The following RASAL2 variants were observed in gnomAD, a reference collection of about 807,000 sequenced individuals.
The protein encoded by RASAL2 is RAS protein activator like 2, also known as ras GTPase-activating protein nGAP.
RASAL2 carries 58 observed loss-of-function variants against 128.9 expected under a neutral mutation model. That is an observed-to-expected ratio of 0.45 (90% CI 0.36 to 0.56). The LOEUF (loss-of-function observed/expected upper bound fraction) is 0.56. RASAL2 is among the 20% of genes least tolerant of loss of function. The pLI, the probability that RASAL2 is intolerant of heterozygous loss-of-function variation, is 0.00. For missense variants in RASAL2, 1,360 were observed against 1,601.6 expected (o/e 0.85, Z 2.57); for synonymous variants, 561 against 580.8 (o/e 0.97, Z 0.49).
At chr1:178,260,671 C>T (rs1665652763) in intron 1 of RASAL2, among the ~76,000 whole-genome samples, 1 of 151,804 alleles carries the variant, frequency 6.6e-6, no homozygotes, top group Non-Finnish European at 1.5e-5. Flanking sequence ...AAATAACTAA[C>T]TTCACTAAAA....
At chr1:178,469,944 AG>A (rs1437119058) in intron 17 of RASAL2, among the ~76,000 whole-genome samples, 1 of 152,248 alleles carries the variant, frequency 6.6e-6, no homozygotes, top group African/African-American at 2.4e-5. Flanking sequence ...CACCATGCAT[AG>A]CACAAATCCT....
At chr1:178,391,695 T>C (rs1403147994) in intron 4 of RASAL2, among the ~76,000 whole-genome samples, 1 of 152,204 alleles carries the variant, frequency 6.6e-6, no homozygotes, top group Non-Finnish European at 1.5e-5. Context: ...CTTTGAGATA[T>C]TTAACTTAGA....
intron 1 of RASAL2, among the ~76,000 whole-genome samples, chr1:178,239,457 C>T (rs967761417): frequency 2.0e-5 from 3 of 151,942 alleles, no homozygotes; most frequent in Non-Finnish European, 2.9e-5. Flanking sequence ...AGATGTTATA[C>T]AACTGGCAGA....
intron 9 of RASAL2, among the ~76,000 whole-genome samples, chr1:178,448,192 G>A (rs1272090274): frequency 6.6e-6 from 1 of 152,006 alleles, no homozygotes; most frequent in Non-Finnish European, 1.5e-5. Flanking sequence ...GAGAAAGAGA[G>A]AGCATCCAAA....
At chr1:178,159,545 G>C (rs754425947) in intron 1 of RASAL2, among the ~76,000 whole-genome samples, 3 of 152,088 alleles carry the variant, frequency 2.0e-5, no homozygotes, top group Non-Finnish European at 1.5e-5. Context: ...ACATCCACTT[G>C]TTCTTTTCTA....
intron 3 of RASAL2, among the ~76,000 whole-genome samples, chr1:178,311,956 G>A (rs1668276208): frequency 6.6e-6 from 1 of 151,966 alleles, no homozygotes; most frequent in African/African-American, 2.4e-5. Context: ...CATGAAACAA[G>A]AACAGAATGT....
intron 1 of RASAL2, among the ~76,000 whole-genome samples, chr1:178,235,235 C>G (rs1351778222): frequency 6.6e-6 from 1 of 152,152 alleles, no homozygotes; most frequent in Non-Finnish European, 1.5e-5. Flanking sequence ...ATCAGTTCCT[C>G]TCAATGGTTA....
intron 17 of RASAL2, among the ~76,000 whole-genome samples, chr1:178,468,885 C>A (rs1647992491): frequency 6.6e-6 from 1 of 152,144 alleles, no homozygotes; most frequent in African/African-American, 2.4e-5. Flanking sequence ...TAGGTTTTCA[C>A]TTTGGAAATT....
intron 4 of RASAL2, among the ~76,000 whole-genome samples, chr1:178,415,731 C>G (rs1427555708): frequency 6.6e-6 from 1 of 152,052 alleles, no homozygotes; most frequent in Non-Finnish European, 1.5e-5. Flanking sequence ...TGCCTCATGT[C>G]TCTTGACACT....
intron 3 of RASAL2, among the ~76,000 whole-genome samples, chr1:178,318,343 AT>A (rs1668586072): frequency 6.7e-6 from 1 of 149,168 alleles, no homozygotes; most frequent in Admixed American, 6.7e-5. Context: ...ATTCCTGGGT[AT>A]CCTTGTTGAC....
intron 1 of RASAL2, among the ~76,000 whole-genome samples, chr1:178,148,098 A>G (rs1571545757): frequency 6.6e-6 from 1 of 152,120 alleles, no homozygotes; most frequent in Admixed American, 6.5e-5. Flanking sequence ...TAAAAAAATA[A>G]AATGATTGAG....
intron 1 of RASAL2, among the ~76,000 whole-genome samples, chr1:178,159,705 G>A (rs1194720681): frequency 1.3e-5 from 2 of 152,084 alleles, no homozygotes; most frequent in Non-Finnish European, 2.9e-5. Flanking sequence ...AAGGTAGGTG[G>A]ATCACCTGAG....
intron 1 of RASAL2, among the ~76,000 whole-genome samples, chr1:178,095,952 G>C (rs1471948154): frequency 6.6e-6 from 1 of 152,128 alleles, no homozygotes; most frequent in Non-Finnish European, 1.5e-5. Context: ...CTTATAACCA[G>C]TTCTTAAGGA....
intron 3 of RASAL2, among the ~76,000 whole-genome samples, chr1:178,353,697 C>T (rs1571912462): frequency 6.6e-6 from 1 of 152,180 alleles, no homozygotes; most frequent in Non-Finnish European, 1.5e-5. Flanking sequence ...TGATGTAATC[C>T]AGTATAACAC....
intron 3 of RASAL2, among the ~76,000 whole-genome samples, chr1:178,355,362 A>G (rs888819719): frequency 1.3e-5 from 2 of 152,202 alleles, no homozygotes; most frequent in East Asian, 3.8e-4. Flanking sequence ...TAAAATTGAC[A>G]CTGCAGAGTG....
chr1:178,327,579 T>C (rs1669096322), intron 3 of RASAL2, among the ~76,000 whole-genome samples: 1 of 152,138 alleles, frequency 6.6e-6, no homozygotes, highest in Non-Finnish European at 1.5e-5. Flanking sequence ...CTCAAATTCC[T>C]GGGCTCAAGC....
intron 3 of RASAL2, among the ~76,000 whole-genome samples, chr1:178,347,642 G>GA (rs1242499975): frequency 6.6e-6 from 1 of 151,974 alleles, no homozygotes. Context: ...TCTAAAATGA[G>GA]AAAAAAGAAA....
chr1:178,353,232 G>A (rs532774542), intron 3 of RASAL2, among the ~76,000 whole-genome samples: 9 of 152,178 alleles, frequency 5.9e-5, no homozygotes, highest in East Asian at 1.9e-4. Flanking sequence ...CCAGTTTTAC[G>A]TCATGTCTTT....
chr1:178,311,253 A>ACACACACACACAC (rs1668232217), intron 3 of RASAL2, among the ~76,000 whole-genome samples: 1 of 143,602 alleles, frequency 7.0e-6, no homozygotes, highest in African/African-American at 2.6e-5. Context: ...CACACACACA[A>ACACACACACACAC]ACACACACAC....
Sources: allele counts gnomAD v4.1 joint callset (sites outside exome capture counted in the v4.1 genomes callset), GRCh38; gene constraint gnomAD v4.1.1; transcripts MANE v1.5; gene names NCBI Gene and HGNC (gene_info 2026-07-23, HGNC 2026-07-21).